Variants in PCDH15 observed in about 807,000 individuals in gnomAD.
PCDH15 encodes protocadherin related 15, also known as protocadherin-15.
PCDH15 carries 129 observed loss-of-function variants against 178.5 expected under a neutral mutation model. The ratio of observed to expected loss-of-function variants is 0.72; its 90% CI spans 0.63 to 0.84. The LOEUF is 0.84. Among genes scored for constraint, PCDH15 ranks in the 40% least tolerant of loss-of-function variants. PCDH15 has a pLI of 0.00. For missense variants in PCDH15, 2,230 were observed against 2,099.9 expected, an observed-to-expected ratio of 1.06 and a Z score of -1.21; for synonymous variants, 800 against 732.0, an observed-to-expected ratio of 1.09 and a Z score of -1.50.
At chr10:55,494,263 C>T (rs959773003) in intron 2 of PCDH15, among the ~76,000 whole-genome samples, 1 of 151,580 alleles carries the variant, frequency 6.6e-6, no homozygotes, top group Admixed American at 6.6e-5. Flanking sequence ...ATTTTATAGT[C>T]TACTTTGATA....
chr10:53,841,476 C>G (rs939683006), intron 28 of PCDH15, among the ~76,000 whole-genome samples: 2 of 152,012 alleles, frequency 1.3e-5, no homozygotes, highest in African/African-American at 4.8e-5. Context: ...ATTTCTTGCT[C>G]GACTGAAAGT....
chr10:54,025,617 G>A lies in PCDH15; in HGVS notation c.2221-2420C>T, dbSNP rs554380028. 5.5e-4 allele frequency among the ~76,000 whole-genome samples: 83 copies of A among 151,740 alleles called. 1 individual carries two copies. Among genetic ancestry groups the A allele is most frequent in the South Asian group, 1.7e-3 (8 of 4,814 alleles). On this transcript the variant is annotated intron_variant, in intron 18 of 37. Transcript: ENST00000644397. ...GGGTTCAAGCAATTCTCCTGCCTCAGCCTCCTGAGTAGCTGGGATTACAGG... is the reference window on the plus strand; with the variant it reads ...GGGTTCAAGCAATTCTCCTGCCTCAACCTCCTGAGTAGCTGGGATTACAGG...
chr10:55,011,080 A>C (rs1840035981), intron 2 of PCDH15, among the ~76,000 whole-genome samples: 1 of 150,894 alleles, frequency 6.6e-6, no homozygotes, highest in Admixed American at 6.7e-5. Context: ...GAGAGTAAAC[A>C]CAAATAATCT....
intron 2 of PCDH15, among the ~76,000 whole-genome samples, chr10:55,443,483 G>T (rs77940155): frequency 1.3e-5 from 2 of 152,096 alleles, no homozygotes; most frequent in African/African-American, 2.4e-5. Context: ...GTTATGAACA[G>T]ACACTTCTCA....
intron 3 of PCDH15, among the ~76,000 whole-genome samples, chr10:54,854,701 G>T (rs2131772467): frequency 6.6e-6 from 1 of 152,278 alleles, no homozygotes; most frequent in African/African-American, 2.4e-5. Context: ...CATCTGCCCA[G>T]CTCTGGCTGA....
intron 9 of PCDH15, among the ~76,000 whole-genome samples, chr10:54,229,486 C>A (rs1293284068): frequency 6.6e-6 from 1 of 152,102 alleles, no homozygotes; most frequent in East Asian, 1.9e-4. Context: ...TGTGTCCCCA[C>A]CCAAATCTCA....
At chr10:54,612,604 G>C (rs11004412) in intron 2 of PCDH15, among the ~76,000 whole-genome samples, 1 of 151,580 alleles carries the variant, frequency 6.6e-6, no homozygotes, top group Non-Finnish European at 1.5e-5. Context: ...ACAAACTGCA[G>C]AATATATTGT....
chr10:55,106,088 A>G (rs964988447), intron 2 of PCDH15, among the ~76,000 whole-genome samples: 2 of 152,042 alleles, frequency 1.3e-5, no homozygotes, highest in Non-Finnish European at 2.9e-5. Context: ...GACTATTTCA[A>G]TAGAAACAAG....
chr10:53,965,121 G>A (rs1001739015), intron 21 of PCDH15, among the ~76,000 whole-genome samples: 5 of 150,342 alleles, frequency 3.3e-5, no homozygotes, highest in East Asian at 3.9e-4. Flanking sequence ...GCAGTTGCAC[G>A]ATCTCCGCTC....
At chr10:54,905,735 C>T (rs1954707769) in intron 2 of PCDH15, among the ~76,000 whole-genome samples, 1 of 152,038 alleles carries the variant, frequency 6.6e-6, no homozygotes, top group Non-Finnish European at 1.5e-5. Flanking sequence ...TCAATAGTTC[C>T]ATATGGACAA....
intron 2 of PCDH15, among the ~76,000 whole-genome samples, chr10:55,334,242 ATGTGTGTGTGTGTG>A (rs1208145029): frequency 1.2e-4 from 9 of 72,138 alleles, no homozygotes; most frequent in African/African-American, 5.7e-4. Context: ...ATATATATAT[ATGTGTGTGTGTGTG>A]TGTGTGTGTG....
chr10:54,697,486 T>C (rs1295605773), intron 1 of PCDH15, among the ~76,000 whole-genome samples: 2 of 149,986 alleles, frequency 1.3e-5, no homozygotes, highest in Non-Finnish European at 3.0e-5. Flanking sequence ...TTTTTCATTA[T>C]GTATATCGCT....
At chr10:55,538,557 C>A (rs1413307881) in intron 2 of PCDH15, among the ~76,000 whole-genome samples, 6 of 120,514 alleles carry the variant, frequency 5.0e-5, no homozygotes, top group African/African-American at 1.9e-4. Context: ...TTCCTTCCTC[C>A]TTTCCTTCCT....
chr10:55,065,257 T>C (rs1468491784), intron 2 of PCDH15, among the ~76,000 whole-genome samples: 2 of 152,086 alleles, frequency 1.3e-5, no homozygotes, highest in East Asian at 3.9e-4. Context: ...CCAATCCCCA[T>C]TCTTATCCTC....
At chr10:55,065,269 A>T (rs1841533813) in intron 2 of PCDH15, among the ~76,000 whole-genome samples, 2 of 152,052 alleles carry the variant, frequency 1.3e-5, no homozygotes, top group Non-Finnish European at 2.9e-5. Context: ...CTTATCCTCT[A>T]GCACAATGTC....
chr10:54,268,851 C>T (rs1340008961), intron 8 of PCDH15, among the ~76,000 whole-genome samples: 4 of 151,826 alleles, frequency 2.6e-5, no homozygotes, highest in Admixed American at 2.0e-4. Flanking sequence ...TTTTGATGAA[C>T]AGGATTTTTC....
At chr10:54,567,679 T>A (rs1426221454) in intron 2 of PCDH15, among the ~76,000 whole-genome samples, 1 of 152,188 alleles carries the variant, frequency 6.6e-6, no homozygotes, top group Non-Finnish European at 1.5e-5. Flanking sequence ...AAAACTGCTG[T>A]CTTACTATCT....
chr10:54,098,902 A>G (rs1162571750), intron 15 of PCDH15, among the ~76,000 whole-genome samples: 1 of 152,172 alleles, frequency 6.6e-6, no homozygotes, highest in South Asian at 2.1e-4. Context: ...TTTCTTCATG[A>G]TACAGCTCTT....
intron 2 of PCDH15, among the ~76,000 whole-genome samples, chr10:55,538,116 C>A (rs1841625385): frequency 6.6e-6 from 1 of 152,150 alleles, no homozygotes; most frequent in African/African-American, 2.4e-5. Flanking sequence ...CAGTTCAAGC[C>A]TTTTGATATC....
Sources: allele counts gnomAD v4.1 joint callset (sites outside exome capture counted in the v4.1 genomes callset), GRCh38; gene constraint gnomAD v4.1.1; transcripts MANE v1.5; gene names NCBI Gene and HGNC (gene_info 2026-07-23, HGNC 2026-07-21).